The following TCAF1 variants were observed in gnomAD, a reference collection of about 807,000 sequenced individuals.
The protein encoded by TCAF1 is TRPM8 channel associated factor 1.
A neutral mutation model predicts 27.3 loss-of-function variants in TCAF1; 4 were observed. The observed-to-expected ratio is 0.15, with a 90% CI of 0.07 to 0.34. The LOEUF (loss-of-function observed/expected upper bound fraction) is 0.34, where lower values mean the gene tolerates loss of function less well. Among genes scored for constraint, TCAF1 ranks in the 10% least tolerant of loss-of-function variants. TCAF1 has a pLI of 1.00. For missense variants in TCAF1, 257 were observed against 425.8 expected, an observed-to-expected ratio of 0.60 and a Z score of 3.49; for synonymous variants, 105 against 167.1, an observed-to-expected ratio of 0.63 and a Z score of 2.87.
chr7:143,900,438 A>G (rs1335817519), intron 1 of TCAF1, among the ~76,000 whole-genome samples: 1 of 152,116 alleles, frequency 6.6e-6, no homozygotes, highest in Non-Finnish European at 1.5e-5. Flanking sequence ...CCCATGTGGC[A>G]AAGAACTGAT....
intron 1 of TCAF1, among the ~76,000 whole-genome samples, chr7:143,890,120 C>T (rs1406778039): frequency 6.6e-6 from 1 of 152,170 alleles, no homozygotes; most frequent in East Asian, 1.9e-4. Flanking sequence ...TCCCGAGTAG[C>T]TGGGACTACA....
chr7:143,901,775 C>A (rs1353845162), intron 1 of TCAF1, among the ~76,000 whole-genome samples, 186 bp downstream of exon 1: 1 of 152,152 alleles, frequency 6.6e-6, no homozygotes. Flanking sequence ...CATAACAATG[C>A]GGCGAGAATG....
rs574082873 is a variant in TCAF1 at position 143,890,887 on chromosome 7, T to C, written c.-15+11074A>G. On this transcript the variant is annotated intron_variant, in intron 1 of 8. Coordinates refer to ENST00000479870, the MANE Select transcript of TCAF1 (RefSeq NM_014719.3). Reference sequence around the variant, plus strand: ...AGACCTCAAGGAAACTTGTAGGAAATAGTGGCCAAAGAGCTAAACAGTTGA... The same window carrying C: ...AGACCTCAAGGAAACTTGTAGGAAACAGTGGCCAAAGAGCTAAACAGTTGA... Among the ~76,000 whole-genome samples the C allele has an allele frequency of 4.6e-5, 7 of 152,274 alleles. No homozygotes were observed. The South Asian group carries it at 1.2e-3, about 27-fold the overall frequency.
chr7:143,894,767 C>T (rs1813796882), intron 1 of TCAF1, among the ~76,000 whole-genome samples: 1 of 150,792 alleles, frequency 6.6e-6, no homozygotes. Flanking sequence ...ACATAATTAC[C>T]AATGGGAAAA....
chr7:143,890,176 G>A (rs36047724), intron 1 of TCAF1, among the ~76,000 whole-genome samples: 14,474 of 151,618 alleles, frequency 0.095, 801 homozygotes, highest in African/African-American at 0.14. Flanking sequence ...TTTATTTTTT[G>A]TATTTTTAGT....
intron 1 of TCAF1, among the ~76,000 whole-genome samples, chr7:143,900,378 C>G (rs1462232437): frequency 6.6e-6 from 1 of 151,852 alleles, no homozygotes; most frequent in African/African-American, 2.4e-5. Flanking sequence ...TGGGAGCCTT[C>G]TCTCTGGGGG....
At chr7:143,890,461 T>C (rs2116849391) in intron 1 of TCAF1, among the ~76,000 whole-genome samples, 1 of 152,328 alleles carries the variant, frequency 6.6e-6, no homozygotes, top group African/African-American at 2.4e-5. Context: ...AATTCCATTA[T>C]TCCCACAAAC....
rs550777960 is a variant in TCAF1 at position 143,876,437 on chromosome 7, G to T, written c.172C>A (p.Arg58Ser). The change falls in exon 2 of 9, where the codon CGC (arginine) becomes AGC (serine). Residue 58 changes from arginine (R) to serine (S), a missense_variant. Coordinates refer to ENST00000479870, the MANE Select transcript of TCAF1 (RefSeq NM_014719.3). ...TCCTCATGGGACACGACCACCAGGCGGCCACGGCCATAGGAGGAGGCAGCA... is the reference window on the plus strand; with the variant it reads ...TCCTCATGGGACACGACCACCAGGCTGCCACGGCCATAGGAGGAGGCAGCA... ...LIAASSYGRGRLVVVSHEDYL... is the reference protein window; with the variant it reads ...LIAASSYGRGSLVVVSHEDYL... 1 of 1,610,732 alleles carries T rather than the reference G, an allele frequency of 6.2e-7. No homozygotes were observed. Among genetic ancestry groups the T allele is most frequent in the African/African-American group, 1.3e-5 (1 of 74,946 alleles).
At chr7:143,891,729 A>G (rs1813644277) in intron 1 of TCAF1, among the ~76,000 whole-genome samples, 1 of 152,166 alleles carries the variant, frequency 6.6e-6, no homozygotes, top group Admixed American at 6.5e-5. Context: ...AATGTTATCA[A>G]TTAATGATTT....
chr7:143,885,284 G>T (rs971037778), intron 1 of TCAF1: 1 of 985,622 alleles, frequency 1.0e-6, no homozygotes, highest in Non-Finnish European at 1.2e-6. Context: ...GAAGGCGCTG[G>T]GGCAGACGCC....
chr7:143,888,431 A>G (rs1586792070), intron 1 of TCAF1, among the ~76,000 whole-genome samples: 1 of 152,356 alleles, frequency 6.6e-6, no homozygotes, highest in African/African-American at 2.4e-5. Context: ...CACAAAGCTC[A>G]CACACCAAAG....
At chr7:143,871,332 T>C (rs1389994439) in intron 2 of TCAF1, among the ~76,000 whole-genome samples, 2 of 144,978 alleles carry the variant, frequency 1.4e-5, no homozygotes, top group Non-Finnish European at 3.0e-5. Flanking sequence ...TTGCCAAATT[T>C]GGGACAACTT....
At chr7:143,883,412 A>T (rs538357590) in intron 1 of TCAF1, among the ~76,000 whole-genome samples, 3 of 152,148 alleles carry the variant, frequency 2.0e-5, no homozygotes, top group Admixed American at 6.5e-5. Flanking sequence ...ACTTTTGTAA[A>T]TTAAAAATAA....
chr7:143,882,974 CTTCT>C (rs1301776607), intron 1 of TCAF1: 3 of 695,692 alleles, frequency 4.3e-6, no homozygotes, highest in South Asian at 6.4e-5. Context: ...GGGGACAGCG[CTTCT>C]TTGTGTCGCC....
chr7:143,882,431 C>T (rs1813105899), intron 1 of TCAF1: 5 of 985,426 alleles, frequency 5.1e-6, no homozygotes, highest in Non-Finnish European at 6.0e-6. Flanking sequence ...CCTCAGGTAA[C>T]TCAACCACAC....
chr7:143,884,426 C>T (rs1397445391), intron 1 of TCAF1, among the ~76,000 whole-genome samples: 1 of 152,140 alleles, frequency 6.6e-6, no homozygotes, highest in African/African-American at 2.4e-5. Context: ...CAAGGCCCAC[C>T]TGAGAGACAG....
intron 1 of TCAF1, among the ~76,000 whole-genome samples, chr7:143,878,664 A>G (rs1276033276): frequency 6.6e-6 from 1 of 152,236 alleles, no homozygotes; most frequent in African/African-American, 2.4e-5. Context: ...TTGAGAAGAT[A>G]CTGATATGAA....
intron 1 of TCAF1, among the ~76,000 whole-genome samples, chr7:143,889,315 C>T (rs1023197201): frequency 1.3e-5 from 2 of 152,078 alleles, no homozygotes; most frequent in Admixed American, 6.6e-5. Context: ...TCCAGGGAGT[C>T]TAACAAATCC....
chr7:143,895,312 T>C (rs1813820908), intron 1 of TCAF1, among the ~76,000 whole-genome samples: 2 of 151,984 alleles, frequency 1.3e-5, no homozygotes, highest in Non-Finnish European at 3.0e-5. Context: ...ATTTGTGATA[T>C]ACTTATACAA....
Sources: allele counts gnomAD v4.1 joint callset (sites outside exome capture counted in the v4.1 genomes callset), GRCh38; gene constraint gnomAD v4.1.1; transcripts MANE v1.5; gene names NCBI Gene and HGNC (gene_info 2026-07-23, HGNC 2026-07-21).